Variants in SRD5A1 observed in about 807,000 individuals in gnomAD.
The protein encoded by SRD5A1 is 3-oxo-5-alpha-steroid 4-dehydrogenase 1.
Under a neutral mutation model 28.2 loss-of-function variants are expected in SRD5A1, and 22 were observed. That is an observed-to-expected ratio of 0.78 (90% CI 0.56 to 1.12). The LOEUF is 1.12. Ranked by LOEUF, SRD5A1 falls within the 50% of genes most tolerant of loss-of-function variation. SRD5A1 has a pLI of 0.00. For synonymous variants in SRD5A1, 151 were observed against 135.0 expected, an observed-to-expected ratio of 1.12 and a Z score of -0.82; for missense variants, 300 against 346.7, an observed-to-expected ratio of 0.87 and a Z score of 1.07.
rs1185733748 is a variant in SRD5A1, at chr5:6,672,982, T to C, written c.*4714T>C. 1 of 152,188 alleles carries C rather than the reference T, an allele frequency of 6.6e-6. No homozygotes were observed. The highest frequency in any genetic ancestry group is 2.4e-5 in the African/African-American group (1 of 41,446). 9.4% of individuals were successfully genotyped at this position (152,188 alleles called of 1,614,324 possible). On this transcript the variant is annotated 3_prime_UTR_variant, in exon 5 of 5. Coordinates refer to ENST00000274192, the MANE Select transcript of SRD5A1 (RefSeq NM_001047.4). ...TTTGTAAGGTAATTGACAGTCTGAG[T>C]TAGTTGCTTCCCCCACTGCAAAGCA... is the stretch of plus-strand genomic sequence containing the variant.
Position 6,633,677 on chromosome 5 carries a change from C to G in SRD5A1, c.101C>G (p.Thr34Arg). The G allele has an allele frequency of 1.3e-6, 2 of 1,585,578 alleles. No individual in the cohort carries two copies. The highest frequency in any genetic ancestry group is 1.7e-6 in the Non-Finnish European group (2 of 1,173,560). ...GCGGTCTTCGCGCGCAATCGTCAGA[C>G]GAACTCAGTGTACGGCCGCCACGCG... is the stretch of plus-strand genomic sequence containing the variant. ...GCAVFARNRQ[T>R]NSVYGRHALP... The change falls in exon 1 of 5, where the codon ACG (threonine) becomes AGG (arginine). Residue 34 changes from threonine (T) to arginine (R), a missense_variant. Thr to Arg is a moderately conservative substitution (Grantham distance 71). Coordinates refer to ENST00000274192, the MANE Select transcript of SRD5A1 (RefSeq NM_001047.4).
At chr5:6,650,822 T>C (rs1356426574) in intron 1 of SRD5A1, among the ~76,000 whole-genome samples, 2 of 114,722 alleles carry the variant, frequency 1.7e-5, no homozygotes, top group Non-Finnish European at 3.3e-5. Context: ...GTCCCCAGAG[T>C]GTGATGTTCC....
chr5:6,664,254 G>A (rs769153675), intron 4 of SRD5A1, among the ~76,000 whole-genome samples: 1 of 152,030 alleles, frequency 6.6e-6, no homozygotes, highest in Non-Finnish European at 1.5e-5. Context: ...TTGGGACTAA[G>A]GACAGAGAGA....
intron 1 of SRD5A1, among the ~76,000 whole-genome samples, chr5:6,643,115 G>A (rs961449289): frequency 2.6e-5 from 4 of 151,070 alleles, no homozygotes; most frequent in African/African-American, 4.9e-5. Context: ...TACTAAATTC[G>A]TGTTTTCTCA....
chr5:6,660,253 G>T (rs1280327943), intron 3 of SRD5A1, among the ~76,000 whole-genome samples: 1 of 152,220 alleles, frequency 6.6e-6, no homozygotes, highest in African/African-American at 2.4e-5. Context: ...GGCATCTGCA[G>T]GTTTTCCAGT....
At chr5:6,652,437 G>A (rs530099857) in intron 2 of SRD5A1, among the ~76,000 whole-genome samples, 2 of 152,230 alleles carry the variant, frequency 1.3e-5, no homozygotes, top group South Asian at 4.1e-4. Flanking sequence ...TCAACTTTTA[G>A]GTCTATGAAG....
chr5:6,644,814 T>A (rs1738460886), intron 1 of SRD5A1: 1 of 449,998 alleles, frequency 2.2e-6, no homozygotes, highest in Non-Finnish European at 4.5e-6. Context: ...ACAGGAAATG[T>A]TGGTATGCAA....
chr5:6,668,167 C>G, intron 4 of SRD5A1, 35 bp from the exon 5 acceptor site: 1 of 1,341,348 alleles, frequency 7.5e-7, no homozygotes, highest in Non-Finnish European at 1.0e-6. Context: ...GTCTAAGCGA[C>G]AGAATTATTT....
At chr5:6,663,452 G>A (rs1445911045) in intron 4 of SRD5A1, among the ~76,000 whole-genome samples, 1 of 152,200 alleles carries the variant, frequency 6.6e-6, no homozygotes, top group African/African-American at 2.4e-5. Context: ...TCCTTAATGG[G>A]CTACAGAAGC....
At chr5:6,664,945 A>G (rs1490303770) in intron 4 of SRD5A1, among the ~76,000 whole-genome samples, 1 of 152,252 alleles carries the variant, frequency 6.6e-6, no homozygotes, top group Non-Finnish European at 1.5e-5. Context: ...AGGAGGCTCA[A>G]TGCCAGGCAT....
intron 4 of SRD5A1, among the ~76,000 whole-genome samples, chr5:6,663,517 A>T (rs1210421395): frequency 6.6e-6 from 1 of 152,172 alleles, no homozygotes; most frequent in African/African-American, 2.4e-5. Context: ...CTTGGCTTTT[A>T]TCTGATCCCC....
At chr5:6,667,140 G>A (rs1739208884) in intron 4 of SRD5A1, among the ~76,000 whole-genome samples, 1 of 152,216 alleles carries the variant, frequency 6.6e-6, no homozygotes, top group African/African-American at 2.4e-5. Context: ...TGTTAGGCTT[G>A]GCCACGTTGT....
chr5:6,639,484 G>A (rs1013230416), intron 1 of SRD5A1, among the ~76,000 whole-genome samples: 4 of 152,234 alleles, frequency 2.6e-5, no homozygotes, highest in Admixed American at 6.5e-5. Flanking sequence ...AGAGTTCTCA[G>A]TGCCCTTGTG....
chr5:6,671,262 G>A lies in SRD5A1; in HGVS notation c.*2994G>A, dbSNP rs1739351588. 1 of 152,204 alleles carries A rather than the reference G, an allele frequency of 6.6e-6. No individual in the cohort carries two copies. Among genetic ancestry groups the A allele is most frequent in the South Asian group, 2.1e-4 (1 of 4,834 alleles). 9.4% of individuals were successfully genotyped at this position (152,204 alleles called of 1,614,324 possible). A position where few individuals can be genotyped will look rare whatever the true frequency, so the allele number is the denominator to read the frequency against. On this transcript the variant is annotated 3_prime_UTR_variant, in exon 5 of 5. Coordinates refer to ENST00000274192, the MANE Select transcript of SRD5A1 (RefSeq NM_001047.4). ...TTGCATTTCCCTGATCATTAGTGAT[G>A]TTGAGCATTTTTTCATACTTTGTTG...
chr5:6,643,705 CTT>C (rs2126530308), intron 1 of SRD5A1, among the ~76,000 whole-genome samples: 1 of 152,352 alleles, frequency 6.6e-6, no homozygotes, highest in Non-Finnish European at 1.5e-5. Flanking sequence ...GGACACGCCT[CTT>C]TGGTTGCTGC....
intron 1 of SRD5A1, among the ~76,000 whole-genome samples, chr5:6,649,123 A>T (rs1738591270): frequency 6.6e-6 from 1 of 152,150 alleles, no homozygotes; most frequent in South Asian, 2.1e-4. Context: ...CACCCGCCAG[A>T]TGCCAGCCAG....
At chr5:6,658,315 ACT>A (rs1275373172) in intron 3 of SRD5A1, among the ~76,000 whole-genome samples, 1 of 151,896 alleles carries the variant, frequency 6.6e-6, no homozygotes, top group Non-Finnish European at 1.5e-5. Flanking sequence ...ACAGAGTGAG[ACT>A]CTGTCTAAAA....
chr5:6,634,632 T>C (rs1048752217), intron 1 of SRD5A1, among the ~76,000 whole-genome samples: 1 of 152,362 alleles, frequency 6.6e-6, no homozygotes, highest in South Asian at 2.1e-4. Flanking sequence ...TCAGAGACTT[T>C]CATGTCCACC....
chr5:6,645,993 C>T (rs932438269), intron 1 of SRD5A1, among the ~76,000 whole-genome samples: 5 of 152,102 alleles, frequency 3.3e-5, no homozygotes, highest in South Asian at 4.2e-4. Flanking sequence ...ATCCTTCCCC[C>T]GATCCCCCAC....
Sources: allele counts gnomAD v4.1 joint callset (sites outside exome capture counted in the v4.1 genomes callset), GRCh38; gene constraint gnomAD v4.1.1; transcripts MANE v1.5; gene names NCBI Gene and HGNC (gene_info 2026-07-23, HGNC 2026-07-21).